The following WWOX variants were observed in gnomAD, a reference collection of about 807,000 sequenced individuals.
WWOX encodes the protein WW domain-containing oxidoreductase.
WWOX carries 69 observed loss-of-function variants against 46.2 expected under a neutral mutation model. The ratio of observed to expected loss-of-function variants is 1.49; its 90% CI spans 1.23 to 1.82. The LOEUF (loss-of-function observed/expected upper bound fraction) is 1.82, where lower values mean the gene tolerates loss of function less well. WWOX is among the 40% of genes most tolerant of loss of function. WWOX has a pLI of 0.00. For missense variants in WWOX, 919 were observed against 542.6 expected (o/e 1.69, Z -6.89); for synonymous variants, 359 against 202.6 (o/e 1.77, Z -6.56).
At chr16:78,353,581 C>G (rs1316983857) in intron 5 of WWOX, among the ~76,000 whole-genome samples, 2 of 152,218 alleles carry the variant, frequency 1.3e-5, no homozygotes, top group African/African-American at 4.8e-5. Flanking sequence ...TCTTGGTATT[C>G]ACCAAGGAAT....
chr16:78,557,360 C>G (rs1037759339), intron 8 of WWOX, among the ~76,000 whole-genome samples: 1 of 152,220 alleles, frequency 6.6e-6, no homozygotes, highest in African/African-American at 2.4e-5. Flanking sequence ...GCCCCCCGCA[C>G]CGGGCTCTTG....
At chr16:78,550,359 A>C (rs758851476) in intron 8 of WWOX, among the ~76,000 whole-genome samples, 58 of 152,190 alleles carry the variant, frequency 3.8e-4, no homozygotes, top group Non-Finnish European at 7.1e-4. Flanking sequence ...CTACTAAGCT[A>C]TCATGCATTA....
In WWOX at chr16:78,888,069, A is replaced by G. The variant is rs577293399; in HGVS notation, c.1057-323539A>G. ...CGATCCTTCAAGCTGTCAGCCATGA[A>G]TATTTTATTTCTTAATGAATCATCT... On this transcript the variant is annotated intron_variant, in intron 8 of 8. Transcript: ENST00000566780. Among the ~76,000 whole-genome samples, 8 of 152,364 alleles carry G rather than the reference A, an allele frequency of 5.3e-5. No individual in the cohort carries two copies. In the South Asian group the frequency reaches 1.4e-3, roughly 28 times the overall value.
At chr16:78,847,462 C>G (rs1287114043) in intron 8 of WWOX, among the ~76,000 whole-genome samples, 1 of 152,106 alleles carries the variant, frequency 6.6e-6, no homozygotes, top group African/African-American at 2.4e-5. Flanking sequence ...TAATTCCAAT[C>G]CAACACAACA....
intron 5 of WWOX, among the ~76,000 whole-genome samples, chr16:78,334,802 A>ACGCG (rs1386510573): frequency 1.2e-4 from 7 of 56,694 alleles, no homozygotes; most frequent in African/African-American, 3.8e-4. Context: ...CCACACACAC[A>ACGCG]CACACGCACA....
At chr16:78,437,654 A>G (rs1009377172) in intron 8 of WWOX, among the ~76,000 whole-genome samples, 6 of 152,114 alleles carry the variant, frequency 3.9e-5, no homozygotes, top group African/African-American at 9.7e-5. Context: ...CCTCCCTTCA[A>G]TTTATGGTGA....
chr16:78,560,639 T>C (rs1407425134), intron 8 of WWOX, among the ~76,000 whole-genome samples: 1 of 152,020 alleles, frequency 6.6e-6, no homozygotes, highest in African/African-American at 2.4e-5. Flanking sequence ...AGTGAAACTC[T>C]GTCTCAAAAA....
At chr16:78,643,543 C>T (rs1567458864) in intron 8 of WWOX, among the ~76,000 whole-genome samples, 1 of 152,152 alleles carries the variant, frequency 6.6e-6, no homozygotes, top group African/African-American at 2.4e-5. Flanking sequence ...ACTTCCACAT[C>T]TCATTAGCAC....
At chr16:78,315,866 C>T (rs1444139847) in intron 5 of WWOX, among the ~76,000 whole-genome samples, 2 of 151,968 alleles carry the variant, frequency 1.3e-5, no homozygotes, top group Non-Finnish European at 2.9e-5. Context: ...CAAAAATTCC[C>T]AGCCACAGTA....
intron 8 of WWOX, among the ~76,000 whole-genome samples, chr16:78,548,213 G>A (rs1406731182): frequency 3.4e-5 from 5 of 147,584 alleles, no homozygotes; most frequent in African/African-American, 5.0e-5. Flanking sequence ...CATTTAATCC[G>A]TAGTACTGAT....
intron 8 of WWOX, among the ~76,000 whole-genome samples, chr16:79,064,026 A>G (rs2048399641): frequency 6.6e-6 from 1 of 152,222 alleles, no homozygotes; most frequent in African/African-American, 2.4e-5. Context: ...AAATATTTGT[A>G]TTTTAGAAGC....
chr16:79,035,687 C>T lies in WWOX; in HGVS notation c.1057-175921C>T, dbSNP rs545836474. 2.6e-5 allele frequency among the ~76,000 whole-genome samples: 4 copies of T among 152,244 alleles called. No individual in the cohort carries two copies. The East Asian group carries it at 5.8e-4, about 22-fold the overall frequency. ...CCAAGTAGCTGGGAGTACAAGTGTG[C>T]ACCACCATGCCTGGCTAATGTTTGT... On this transcript the variant is annotated intron_variant, in intron 8 of 8. Transcript: ENST00000566780.
chr16:78,227,317 A>G (rs535644872), intron 5 of WWOX, among the ~76,000 whole-genome samples: 2 of 152,228 alleles, frequency 1.3e-5, no homozygotes, highest in South Asian at 4.1e-4. Context: ...CCAAGGCTTT[A>G]TTTAAGGAGT....
intron 8 of WWOX, among the ~76,000 whole-genome samples, chr16:78,954,992 G>T (rs556606151): frequency 6.6e-6 from 1 of 152,028 alleles, no homozygotes; most frequent in African/African-American, 2.4e-5. Flanking sequence ...GCCTCACTGT[G>T]TTGCCCAGGC....
chr16:78,606,537 A>G (rs1253734096), intron 8 of WWOX, among the ~76,000 whole-genome samples: 1 of 152,116 alleles, frequency 6.6e-6, no homozygotes, highest in Non-Finnish European at 1.5e-5. Context: ...CCCTCTGAAC[A>G]AAAGCAAATC....
intron 5 of WWOX, among the ~76,000 whole-genome samples, chr16:78,195,065 G>C (rs1203748908): frequency 6.6e-6 from 1 of 152,194 alleles, no homozygotes; most frequent in Non-Finnish European, 1.5e-5. Flanking sequence ...TGGGACCCCA[G>C]TGGGCTTCCC....
At chr16:78,546,203 A>G (rs2044027454) in intron 8 of WWOX, among the ~76,000 whole-genome samples, 1 of 152,206 alleles carries the variant, frequency 6.6e-6, no homozygotes, top group Non-Finnish European at 1.5e-5. Context: ...ACAGCTTAGA[A>G]CAGATGACTC....
chr16:79,162,340 G>A (rs2050503063), intron 8 of WWOX, among the ~76,000 whole-genome samples: 1 of 152,146 alleles, frequency 6.6e-6, no homozygotes, highest in African/African-American at 2.4e-5. Context: ...TGCAAGTTTG[G>A]AGTTAAGGCC....
rs186531714 is a variant in WWOX at position 78,349,365 on chromosome 16, T to C, written c.517-37495T>C. Among the ~76,000 whole-genome samples, 2 of 121,156 alleles carry C rather than the reference T, an allele frequency of 1.7e-5. 1 individual carries two copies. The highest frequency in any genetic ancestry group is 1.6e-4 in the Admixed American group (2 of 12,474). The allele number at this position is 121,156 out of a possible 152,430, so 79.5% of individuals were successfully genotyped here. On this transcript the variant is annotated intron_variant, in intron 5 of 8. Transcript: ENST00000566780. ...ACGGGTTAGGTCTTCAGCATATGAA[T>C]TTTGGGGAAACAGAATCCAGCTAAC...
Sources: allele counts gnomAD v4.1 joint callset (sites outside exome capture counted in the v4.1 genomes callset), GRCh38; gene constraint gnomAD v4.1.1; transcripts MANE v1.5; gene names NCBI Gene and HGNC (gene_info 2026-07-23, HGNC 2026-07-21).